Variants in ROBO2 observed in about 807,000 individuals in gnomAD.
The protein encoded by ROBO2 is roundabout guidance receptor 2, also known as roundabout homolog 2.
In ROBO2, 53 loss-of-function variants were observed where a neutral mutation model predicts 160.8. The ratio of observed to expected loss-of-function variants is 0.33; its 90% CI spans 0.26 to 0.41. The LOEUF (loss-of-function observed/expected upper bound fraction) is 0.41, where lower values mean the gene tolerates loss of function less well. Among genes scored for constraint, ROBO2 ranks in the 10% least tolerant of loss-of-function variants. ROBO2 has a pLI of 1.00. For synonymous variants in ROBO2, 664 were observed against 611.7 expected, an observed-to-expected ratio of 1.09 and a Z score of -1.26; for missense variants, 1,577 against 1,722.4, an observed-to-expected ratio of 0.92 and a Z score of 1.49.
intron 2 of ROBO2, among the ~76,000 whole-genome samples, chr3:76,094,196 A>G (rs1472876370): frequency 6.6e-6 from 1 of 152,122 alleles, no homozygotes; most frequent in Non-Finnish European, 1.5e-5. Context: ...TACACCCCTC[A>G]GAAAGTCTGA....
intron 1 of ROBO2, among the ~76,000 whole-genome samples, chr3:75,931,645 C>T (rs941964966): frequency 4.6e-5 from 7 of 152,126 alleles, no homozygotes; most frequent in African/African-American, 1.4e-4. Context: ...AGCCACCACG[C>T]CCGGCCCAAA....
chr3:77,477,260 C>A, intron 2 of ROBO2, 154 bp from the exon 3 acceptor site: 1 of 770,824 alleles, frequency 1.3e-6, no homozygotes, highest in Non-Finnish European at 2.3e-6. Context: ...ATGTTGGCTC[C>A]AGAATATTTT....
intron 5 of ROBO2, among the ~76,000 whole-genome samples, chr3:77,506,472 A>C (rs544348421): frequency 6.6e-6 from 1 of 152,210 alleles, no homozygotes; most frequent in South Asian, 2.1e-4. Context: ...CATGGTGCTC[A>C]CGAGTTAGTC....
chr3:77,370,121 A>G (rs1458580473), intron 2 of ROBO2, among the ~76,000 whole-genome samples: 1 of 152,188 alleles, frequency 6.6e-6, no homozygotes, highest in Non-Finnish European at 1.5e-5. Context: ...TGTTATAACA[A>G]AAGTGTGATG....
At chr3:76,351,988 A>G (rs569191040) in intron 2 of ROBO2, among the ~76,000 whole-genome samples, 1 of 152,166 alleles carries the variant, frequency 6.6e-6, no homozygotes, top group Admixed American at 6.6e-5. Context: ...TTTCATCAAA[A>G]TATCATATTA....
chr3:76,608,717 TAA>T (rs1336771496), intron 2 of ROBO2, among the ~76,000 whole-genome samples: 1 of 152,202 alleles, frequency 6.6e-6, no homozygotes, highest in African/African-American at 2.4e-5. Context: ...ATCTTAAATT[TAA>T]GTCTTTAATT....
At chr3:76,537,740 A>G (rs2082588852) in intron 2 of ROBO2, among the ~76,000 whole-genome samples, 1 of 152,142 alleles carries the variant, frequency 6.6e-6, no homozygotes, top group African/African-American at 2.4e-5. Flanking sequence ...AAGGCTGCTT[A>G]TTCACTTGGG....
rs369829332 is a variant in ROBO2 at position 76,224,540 on chromosome 3, G to C, written c.109+286938G>C. 1.7e-4 allele frequency among the ~76,000 whole-genome samples: 26 copies of C among 152,226 alleles called. 1 individual carries two copies. In the East Asian group the frequency reaches 4.6e-3, roughly 27 times the overall value. On this transcript the variant is annotated intron_variant, in intron 2 of 26. Coordinates refer to the ROBO2 transcript ENST00000487694. ...GTTGAGGGCAGATACTTTTTACTCA[G>C]TCTACTGATTCAATTGATAAGCTAT...
intron 2 of ROBO2, among the ~76,000 whole-genome samples, chr3:76,815,686 T>C (rs1461868402): frequency 6.6e-6 from 1 of 151,978 alleles, no homozygotes; most frequent in Non-Finnish European, 1.5e-5. Flanking sequence ...TTTCAGAGCT[T>C]AGAAACCAGC....
At chr3:77,310,085 G>C (rs2063413923) in intron 2 of ROBO2, among the ~76,000 whole-genome samples, 1 of 152,050 alleles carries the variant, frequency 6.6e-6, no homozygotes, top group Admixed American at 6.5e-5. Context: ...TTCAAAGTTA[G>C]ATCCCCTCCT....
intron 2 of ROBO2, among the ~76,000 whole-genome samples, chr3:76,095,707 G>A (rs1379400594): frequency 6.7e-6 from 1 of 149,538 alleles, no homozygotes; most frequent in Non-Finnish European, 1.5e-5. Context: ...TGTGTGTATG[G>A]CACATATATT....
chr3:76,202,984 C>T (rs1702609998), intron 2 of ROBO2, among the ~76,000 whole-genome samples: 2 of 151,264 alleles, frequency 1.3e-5, no homozygotes, highest in African/African-American at 4.9e-5. Context: ...TGAGTCCAAA[C>T]TGGATCACAC....
rs148773477 is a variant in ROBO2 at position 76,063,845 on chromosome 3, A to C, written c.109+126243A>C. The stretch of plus-strand genomic sequence containing the variant: ...TTGGTGTGTGTGTGTGAATATAACT[A>C]AGCAAATTATACCACAAGAGTGATC... On this transcript the variant is annotated intron_variant, in intron 2 of 26. Coordinates refer to the ROBO2 transcript ENST00000487694. 9.3e-4 allele frequency among the ~76,000 whole-genome samples: 141 copies of C among 152,266 alleles called. 1 individual carries two copies. The highest frequency in any genetic ancestry group is 3.3e-3 in the African/African-American group (137 of 41,558).
At chr3:77,505,079 C>G (rs1449848593) in intron 5 of ROBO2, among the ~76,000 whole-genome samples, 2 of 152,086 alleles carry the variant, frequency 1.3e-5, no homozygotes, top group African/African-American at 4.8e-5. Flanking sequence ...ATTATGAAAC[C>G]CTTTAATTTC....
At chr3:76,290,335 A>G (rs4856025) in intron 2 of ROBO2, among the ~76,000 whole-genome samples, 15,376 of 151,966 alleles carry the variant, frequency 0.1, 1,590 homozygotes, top group East Asian at 0.41. Context: ...TGGCTCTCAG[A>G]TTAGATATTG....
At chr3:76,995,959 G>A (rs1479768074) in intron 2 of ROBO2, among the ~76,000 whole-genome samples, 3 of 152,138 alleles carry the variant, frequency 2.0e-5, no homozygotes, top group African/African-American at 7.2e-5. Context: ...AGTTTAATTA[G>A]ATCCCATCTG....
chr3:76,940,037 G>A (rs1408051714), intron 2 of ROBO2, among the ~76,000 whole-genome samples: 11 of 148,346 alleles, frequency 7.4e-5, no homozygotes, highest in African/African-American at 2.8e-4. Flanking sequence ...GCTGGGGTGC[G>A]GTGGCGCTAC....
At chr3:76,894,234 T>C (rs1206345541) in intron 2 of ROBO2, among the ~76,000 whole-genome samples, 3 of 152,120 alleles carry the variant, frequency 2.0e-5, no homozygotes, top group African/African-American at 7.2e-5. Flanking sequence ...GGTGTTTGCA[T>C]ATGATTTTGT....
At chr3:77,582,202 A>C (rs866952531) in intron 16 of ROBO2, among the ~76,000 whole-genome samples, 2 of 152,278 alleles carry the variant, frequency 1.3e-5, no homozygotes, top group South Asian at 4.1e-4. Context: ...CCAAGGTTCA[A>C]GAGATTCTCC....
Sources: allele counts gnomAD v4.1 joint callset (sites outside exome capture counted in the v4.1 genomes callset), GRCh38; gene constraint gnomAD v4.1.1; transcripts MANE v1.5; gene names NCBI Gene and HGNC (gene_info 2026-07-23, HGNC 2026-07-21).